ELMO1: variants seen among roughly 807,000 people sequenced by gnomAD.
ELMO1 encodes engulfment and cell motility protein 1.
ELMO1 carries 26 observed loss-of-function variants against 98.9 expected under a neutral mutation model. That is an observed-to-expected ratio of 0.26 (90% CI 0.19 to 0.36). ELMO1 has a LOEUF of 0.36. Ranked by LOEUF, ELMO1 falls within the 10% of genes least tolerant of loss-of-function variation. The pLI is 1.00. For missense variants in ELMO1, 627 were observed against 935.2 expected, an observed-to-expected ratio of 0.67 and a Z score of 4.30; for synonymous variants, 346 against 346.0, an observed-to-expected ratio of 1.00 and a Z score of 0.00.
chr7:37,224,871 A>C lies in ELMO1; in HGVS notation c.701+8T>G. On this transcript the variant is annotated splice_region_variant and intron_variant, in intron 9 of 21. Transcript: ENST00000310758. Reference sequence around the variant, plus strand: ...TTTCTCCTCCCCAGAGCATCTTGGCATGCTTACCCTTGCAGGTGTGGAATG... The same window carrying C: ...TTTCTCCTCCCCAGAGCATCTTGGCCTGCTTACCCTTGCAGGTGTGGAATG... 6.2e-7 allele frequency: 1 copy of C among 1,613,252 alleles called. No individual in the cohort carries two copies. The highest frequency in any genetic ancestry group is 1.1e-5 in the South Asian group (1 of 91,044).
In ELMO1 at chr7:37,036,213, G is replaced by GA. The variant is rs1022860547; in HGVS notation, c.1301-22779dup. On this transcript the variant is annotated intron_variant, in intron 15 of 21. Transcript: ENST00000310758. Reference sequence around the variant, plus strand: ...TAAAAAATTTTCCAACCTATTTATTGAAAAAAAAAACCATGCATAAGTGGA... The same window carrying GA: ...TAAAAAATTTTCCAACCTATTTATTGAAAAAAAAAAACCATGCATAAGTGGA... Among the ~76,000 whole-genome samples, 99 of 149,200 alleles carry GA rather than the reference G, an allele frequency of 6.6e-4. 1 individual carries two copies. In the East Asian group the frequency reaches 0.015, roughly 22 times the overall value.
chr7:37,156,387 G>A (rs774924005), intron 13 of ELMO1, among the ~76,000 whole-genome samples: 11 of 152,140 alleles, frequency 7.2e-5, no homozygotes, highest in Non-Finnish European at 1.5e-4. Context: ...CCAGGAGCTG[G>A]TTTTTTGAAA....
intron 5 of ELMO1, among the ~76,000 whole-genome samples, chr7:37,266,541 G>A (rs1796248667): frequency 6.6e-6 from 1 of 152,050 alleles, no homozygotes; most frequent in East Asian, 1.9e-4. Context: ...AAGGCATAAT[G>A]GTCAATAATT....
chr7:36,908,552 T>G (rs1488904885), intron 16 of ELMO1, among the ~76,000 whole-genome samples: 1 of 91,352 alleles, frequency 1.1e-5, no homozygotes, highest in African/African-American at 4.5e-5. Flanking sequence ...AGATTTGTTA[T>G]TTTTTTTTTT....
chr7:37,413,810 G>C (rs4540308), intron 1 of ELMO1, among the ~76,000 whole-genome samples: 3 of 151,824 alleles, frequency 2.0e-5, no homozygotes, highest in African/African-American at 4.8e-5. Context: ...CCCAAATAGC[G>C]GGGATTACAG....
chr7:37,370,083 C>T (rs1001023605), intron 1 of ELMO1, among the ~76,000 whole-genome samples: 1 of 152,222 alleles, frequency 6.6e-6, no homozygotes, highest in African/African-American at 2.4e-5. Context: ...AGTCTCTATG[C>T]TCAGGACACC....
intron 16 of ELMO1, among the ~76,000 whole-genome samples, chr7:36,961,225 T>C (rs1788922155): frequency 6.6e-6 from 1 of 152,308 alleles, no homozygotes; most frequent in Non-Finnish European, 1.5e-5. Flanking sequence ...GAGAGGCCTG[T>C]TATACAAAAT....
At chr7:37,223,957 A>G (rs902059843) in intron 9 of ELMO1, among the ~76,000 whole-genome samples, 13 of 125,962 alleles carry the variant, frequency 1.0e-4, no homozygotes, top group African/African-American at 3.4e-4. Flanking sequence ...AGAATTTGTA[A>G]TTGTGACCTA....
intron 16 of ELMO1, among the ~76,000 whole-genome samples, chr7:37,005,438 T>G (rs1355026415): frequency 6.6e-6 from 1 of 152,030 alleles, no homozygotes; most frequent in Non-Finnish European, 1.5e-5. Context: ...ACAACTGTAA[T>G]CCCAGCACTT....
intron 1 of ELMO1, among the ~76,000 whole-genome samples, chr7:37,404,714 A>G (rs936728363): frequency 6.6e-6 from 1 of 152,166 alleles, no homozygotes; most frequent in African/African-American, 2.4e-5. Flanking sequence ...TAAAAAGGAG[A>G]TACTACACCC....
intron 18 of ELMO1, among the ~76,000 whole-genome samples, chr7:36,883,121 G>A (rs1389101821): frequency 6.6e-6 from 1 of 152,206 alleles, no homozygotes; most frequent in African/African-American, 2.4e-5. Context: ...AGATATACCA[G>A]CCTTGTTGGC....
At chr7:37,291,920 C>T (rs1797700953) in intron 4 of ELMO1, among the ~76,000 whole-genome samples, 1 of 36,864 alleles carries the variant, frequency 2.7e-5, no homozygotes, top group Non-Finnish European at 4.5e-5. Flanking sequence ...TGCTCCCTCT[C>T]CCTCCCCCTC....
chr7:36,935,505 A>G (rs1212716304), intron 16 of ELMO1, among the ~76,000 whole-genome samples: 1 of 152,132 alleles, frequency 6.6e-6, no homozygotes, highest in Admixed American at 6.5e-5. Context: ...AACCTATCTG[A>G]TATCTTGATC....
chr7:36,962,895 AGAAAATTGGAAAAGTATTACG>A (rs1445815303), intron 16 of ELMO1, among the ~76,000 whole-genome samples: 2 of 152,234 alleles, frequency 1.3e-5, no homozygotes, highest in Non-Finnish European at 2.9e-5. Context: ...AAAGTATTAA[AGAAAATTGGAAAAGTATTACG>A]GAAAATTGGA....
chr7:37,284,701 A>G (rs1462982342), intron 4 of ELMO1, among the ~76,000 whole-genome samples: 2 of 152,164 alleles, frequency 1.3e-5, no homozygotes, highest in African/African-American at 2.4e-5. Flanking sequence ...TTCAAATTCT[A>G]TGAATTTATC....
chr7:37,155,503 A>ATAAAAAAAAAAAAAT (rs1554427526), intron 13 of ELMO1, among the ~76,000 whole-genome samples: 1 of 131,738 alleles, frequency 7.6e-6, no homozygotes, highest in African/African-American at 2.7e-5. Context: ...AAAAAAAAAA[A>ATAAAAAAAAAAAAAT]AAAAAGCAGG....
At chr7:36,974,062 G>A (rs1201405272) in intron 16 of ELMO1, among the ~76,000 whole-genome samples, 2 of 152,248 alleles carry the variant, frequency 1.3e-5, no homozygotes, top group Admixed American at 1.3e-4. Flanking sequence ...CCTCCCTGAT[G>A]AGCGCCGCCC....
chr7:36,973,889 G>A (rs973771380), intron 16 of ELMO1, among the ~76,000 whole-genome samples: 36 of 152,352 alleles, frequency 2.4e-4, no homozygotes, highest in African/African-American at 8.7e-4. Context: ...CCGGGCCAGC[G>A]GCTGCAGAGG....
intron 16 of ELMO1, among the ~76,000 whole-genome samples, chr7:37,000,487 A>ACT: frequency 3.9e-5 from 6 of 152,270 alleles, no homozygotes; most frequent in African/African-American, 1.2e-4. Context: ...CACTGTGGCA[A>ACT]GAACTGGGTC....
Sources: gnomAD v4.1 joint callset for allele counts (sites outside exome capture counted in the v4.1 genomes callset) on GRCh38, gnomAD v4.1.1 for gene constraint, MANE v1.5 for transcripts, NCBI Gene and HGNC (gene_info 2026-07-23, HGNC 2026-07-21) for gene names.